SANBR: variants seen among roughly 807,000 people sequenced by gnomAD.
The protein encoded by SANBR is SANT and BTB domain regulator of class switch recombination.
A neutral mutation model predicts 101.8 loss-of-function variants in SANBR; 77 were observed. That is an observed-to-expected ratio of 0.76 (90% CI 0.63 to 0.91). The LOEUF is 0.91. SANBR is among the 40% of genes least tolerant of loss of function. The pLI, the probability that SANBR is intolerant of heterozygous loss-of-function variation, is 0.00. For synonymous variants in SANBR, 279 were observed against 274.7 expected (o/e 1.02, Z -0.15); for missense variants, 875 against 853.0 (o/e 1.03, Z -0.32).
At chr2:61,070,550 C>T in intron 3 of SANBR, 50 bp downstream of exon 3, 3 of 1,540,518 alleles carry the variant, frequency 1.9e-6, no homozygotes, top group Non-Finnish European at 2.6e-6. Context: ...CAGAAAAGGT[C>T]ATCAATTTAA....
At chr2:61,109,678 T>TTC (rs1559130063) in intron 16 of SANBR, among the ~76,000 whole-genome samples, 1 of 127,716 alleles carries the variant, frequency 7.8e-6, no homozygotes. Flanking sequence ...TTTTTTTGTG[T>TTC]TTGTTTTTTT....
chr2:61,109,914 A>C lies in SANBR; in HGVS notation c.1744+618A>C, dbSNP rs78877087. ...ATGATCCACCTGCCTCGGCCTCCCA[A>C]AGTGCTGGGATTACAGGCGTGAGCC... On this transcript the variant is annotated intron_variant, in intron 16 of 21. Transcript: ENST00000402291. Among the ~76,000 whole-genome samples, 17 of 152,006 alleles carry C rather than the reference A, an allele frequency of 1.1e-4. No individual in the cohort carries two copies. The East Asian group carries it at 3.3e-3, about 29-fold the overall frequency.
At chr2:61,096,316 C>T (rs1683028333) in intron 11 of SANBR, among the ~76,000 whole-genome samples, 1 of 152,262 alleles carries the variant, frequency 6.6e-6, no homozygotes, top group South Asian at 2.1e-4. Context: ...CTCTCCCTAG[C>T]CCACAAGGCT....
Position 61,078,564 on chromosome 2 carries a change from G to C in SANBR, c.670+1406G>C, listed in dbSNP as rs536217701. On this transcript the variant is annotated intron_variant, in intron 6 of 21. Coordinates refer to ENST00000402291, the MANE Select transcript of SANBR (RefSeq NM_001129993.3). ...AGCCTCCCGAGTAGCTGGGATTACAGGTGCATGTCACCACGCCCTGCTAAT... is the reference window on the plus strand; with the variant it reads ...AGCCTCCCGAGTAGCTGGGATTACACGTGCATGTCACCACGCCCTGCTAAT... 6.6e-5 allele frequency among the ~76,000 whole-genome samples: 10 copies of C among 152,042 alleles called. No homozygotes were observed. In the South Asian group the frequency reaches 1.7e-3, roughly 25 times the overall value.
rs144832030 is a variant in SANBR at position 61,079,336 on chromosome 2, A to G, written c.671-2116A>G. On this transcript the variant is annotated intron_variant, in intron 6 of 21. Transcript: ENST00000402291. ...AGAATAATTACTGAGTAATATTTCA[A>G]TGGGCATATACTTGTATGATCACAC... Among the ~76,000 whole-genome samples, 97 of 152,338 alleles carry G rather than the reference A, an allele frequency of 6.4e-4. No homozygotes were observed. In the East Asian group the frequency reaches 0.012, roughly 19 times the overall value.
rs1369400808 is a variant in SANBR, at chr2:61,122,519, C to T, written c.*357C>T. The T allele has an allele frequency of 2.0e-6, 2 of 1,016,420 alleles. No homozygotes were observed. Among genetic ancestry groups the T allele is most frequent in the Non-Finnish European group, 2.4e-6 (2 of 850,382 alleles). 63.0% of individuals were successfully genotyped at this position (1,016,420 alleles called of 1,614,324 possible). A position where few individuals can be genotyped will look rare whatever the true frequency, so the allele number is the denominator to read the frequency against. On this transcript the variant is annotated 3_prime_UTR_variant, in exon 22 of 22. Transcript: ENST00000402291. Reference sequence around the variant, plus strand: ...TTTAAGACCTTAAAAGTTAGGGGAACACAACTGGTAGTGTTACCATGCATG... The same window carrying T: ...TTTAAGACCTTAAAAGTTAGGGGAATACAACTGGTAGTGTTACCATGCATG...
chr2:61,097,556 C>A (rs1047688573), intron 11 of SANBR, 144 bp from the exon 12 acceptor site: 16 of 551,814 alleles, frequency 2.9e-5, no homozygotes, highest in Non-Finnish European at 5.0e-5. Context: ...CTGGCAACCA[C>A]TAATCTACTT....
At chr2:61,110,140 A>C (rs1280745572) in intron 16 of SANBR, among the ~76,000 whole-genome samples, 3 of 152,210 alleles carry the variant, frequency 2.0e-5, no homozygotes. Flanking sequence ...TAGAATCATG[A>C]GTAATCTTTT....
At chr2:61,101,059 T>A (rs1204529870) in intron 12 of SANBR, among the ~76,000 whole-genome samples, 3 of 152,178 alleles carry the variant, frequency 2.0e-5, no homozygotes, top group African/African-American at 4.8e-5. Context: ...TTTCTTATAT[T>A]TGCAATCGGT....
intron 6 of SANBR, among the ~76,000 whole-genome samples, chr2:61,077,477 T>C (rs1269198431): frequency 2.0e-5 from 3 of 152,108 alleles, no homozygotes; most frequent in African/African-American, 7.2e-5. Flanking sequence ...TTTCTCACTG[T>C]GTTGCTCAGA....
rs1296929793 is a variant in SANBR, at chr2:61,082,305, C to G, written c.729+795C>G. On this transcript the variant is annotated intron_variant, in intron 7 of 21. Transcript: ENST00000402291. ...AACCTTTGAATTTTGAAATCTAAGC[C>G]CTAAAGGATAATTTTTATGCCATAA... Among the ~76,000 whole-genome samples the G allele has an allele frequency of 4.6e-5, 7 of 151,846 alleles. No homozygotes were observed. In the East Asian group the frequency reaches 1.4e-3, roughly 29 times the overall value.
chr2:61,130,293 A>G (rs1020030404), intron 20 of SANBR, among the ~76,000 whole-genome samples: 1 of 152,172 alleles, frequency 6.6e-6, no homozygotes, highest in African/African-American at 2.4e-5. Context: ...GTGCCAATAA[A>G]TTGGATAACT....
intron 12 of SANBR, among the ~76,000 whole-genome samples, chr2:61,098,292 CAG>C (rs1221349630): frequency 6.6e-6 from 1 of 151,782 alleles, no homozygotes; most frequent in Non-Finnish European, 1.5e-5. Context: ...TTGTTAGAGA[CAG>C]GGTTTCGCCA....
intron 11 of SANBR, among the ~76,000 whole-genome samples, chr2:61,096,315 G>A (rs976767840): frequency 2.0e-5 from 3 of 152,082 alleles, no homozygotes; most frequent in African/African-American, 7.2e-5. Flanking sequence ...GCTCTCCCTA[G>A]CCCACAAGGC....
intron 11 of SANBR, among the ~76,000 whole-genome samples, chr2:61,094,747 G>T (rs538340434): frequency 2.7e-5 from 4 of 148,656 alleles, no homozygotes; most frequent in African/African-American, 9.9e-5. Flanking sequence ...AGGTTCAAGC[G>T]ATTCTCCTGT....
At chr2:61,134,270 A>G (rs1176884413) in exon 21 of SANBR, 1 of 1,558,118 alleles carries the variant, frequency 6.4e-7, no homozygotes, top group Non-Finnish European at 8.7e-7. Flanking sequence ...ATACTGCTTG[A>G]CATATCGTAA....
At chr2:61,093,328 G>C (rs1051785764) in intron 11 of SANBR, 10 of 152,150 alleles carry the variant, frequency 6.6e-5, no homozygotes, top group African/African-American at 2.4e-4. Flanking sequence ...AGGCACGGTG[G>C]CTCACGCCTG....
In SANBR at chr2:61,073,516, T is replaced by C; in HGVS notation, c.396T>C (p.Thr132=). 1 of 1,582,790 alleles carries C rather than the reference T, an allele frequency of 6.3e-7. No individual in the cohort carries two copies. Among genetic ancestry groups the C allele is most frequent in the Non-Finnish European group, 8.6e-7 (1 of 1,161,098 alleles). ...NCSSESENCT[T]HNGGEMTEES... is the part of the protein sequence containing the mutation. Reference sequence around the variant, plus strand: ...CTTCAGAAAGTGAAAATTGTACTACTCATAATGGTGGAGAAATGACTGAAG... The same window carrying C: ...CTTCAGAAAGTGAAAATTGTACTACCCATAATGGTGGAGAAATGACTGAAG... The change falls in exon 5 of 22, where the codon ACT becomes ACC. Residue 132 remains threonine (T), a synonymous_variant. Coordinates refer to ENST00000402291, the MANE Select transcript of SANBR (RefSeq NM_001129993.3).
intron 1 of SANBR, 107 bp from the exon 2 acceptor site, chr2:61,068,742 T>C (rs1681309833): frequency 6.6e-6 from 1 of 152,380 alleles, no homozygotes; most frequent in Non-Finnish European, 1.5e-5. Context: ...TCTGGAGTGG[T>C]AGTGCTGCTA....
Sources: gnomAD v4.1 joint callset for allele counts (sites outside exome capture counted in the v4.1 genomes callset) on GRCh38, gnomAD v4.1.1 for gene constraint, MANE v1.5 for transcripts, NCBI Gene and HGNC (gene_info 2026-07-23, HGNC 2026-07-21) for gene names.